The following CACNB2 variants were observed in gnomAD, a reference collection of about 807,000 sequenced individuals.
CACNB2 encodes the protein voltage-dependent L-type calcium channel subunit beta-2.
A neutral mutation model predicts 73.3 loss-of-function variants in CACNB2; 42 were observed. The ratio of observed to expected loss-of-function variants is 0.57; its 90% CI spans 0.45 to 0.74. The LOEUF (loss-of-function observed/expected upper bound fraction) is 0.74, where lower values mean the gene tolerates loss of function less well. Among genes scored for constraint, CACNB2 ranks in the 30% least tolerant of loss-of-function variants. The pLI, the probability that CACNB2 is intolerant of heterozygous loss-of-function variation, is 0.00. For missense variants in CACNB2, 940 were observed against 853.0 expected (o/e 1.10, Z -1.27); for synonymous variants, 348 against 310.3 (o/e 1.12, Z -1.28).
intron 4 of CACNB2, chr10:18,498,731 A>G (rs910465854): frequency 1.5e-4 from 71 of 468,810 alleles, no homozygotes; most frequent in African/African-American, 1.4e-3. Context: ...GGGAACTGCT[A>G]GAGTAGATGA....
intron 2 of CACNB2, among the ~76,000 whole-genome samples, chr10:18,194,807 C>A (rs1183022237): frequency 6.6e-6 from 1 of 152,150 alleles, no homozygotes; most frequent in African/African-American, 2.4e-5. Context: ...AACGAACATT[C>A]CTACAATTAT....
chr10:18,141,393 A>G (rs1374110615), intron 1 of CACNB2, among the ~76,000 whole-genome samples: 2 of 152,204 alleles, frequency 1.3e-5, no homozygotes, highest in Non-Finnish European at 2.9e-5. Flanking sequence ...TGCCCGGACC[A>G]CGCTGCGCAC....
In CACNB2 at chr10:18,373,006, G is replaced by A. The variant is rs1239881435; in HGVS notation, c.214-28918G>A. On this transcript the variant is annotated intron_variant, in intron 2 of 13. Coordinates refer to ENST00000324631, the MANE Select transcript of CACNB2 (RefSeq NM_201596.3). ...TTTTATTTTATTTTTTGTAGGAATG[G>A]AGTCTCACTATGTTGCCCAGGCAGG... Among the ~76,000 whole-genome samples, 3 of 151,942 alleles carry A rather than the reference G, an allele frequency of 2.0e-5. No homozygotes were observed. The East Asian group carries it at 5.8e-4, about 29-fold the overall frequency.
chr10:18,266,428 G>C (rs138759450), intron 2 of CACNB2, among the ~76,000 whole-genome samples: 1 of 152,120 alleles, frequency 6.6e-6, no homozygotes, highest in East Asian at 1.9e-4. Flanking sequence ...TAGTGCTTTT[G>C]GGTATAAAAA....
chr10:18,247,527 C>A (rs1588837008), intron 2 of CACNB2, among the ~76,000 whole-genome samples: 2 of 152,108 alleles, frequency 1.3e-5, no homozygotes, highest in East Asian at 3.9e-4. Context: ...CCAAATATCC[C>A]AAATGATTAT....
rs141915289 is a variant in CACNB2 at position 18,518,317 on chromosome 10, G to T, written c.805-19G>T. ...CTACCTGCCTGTGAAACGTCTAAAA[G>T]CCTCTCCTCTCTCTGCAGACAGAGC... On this transcript the variant is annotated intron_variant, in intron 7 of 13. Transcript: ENST00000324631. 1.3e-6 allele frequency: 2 copies of T among 1,577,598 alleles called. No homozygotes were observed. Among genetic ancestry groups the T allele is most frequent in the Non-Finnish European group, 1.7e-6 (2 of 1,146,856 alleles).
intron 2 of CACNB2, among the ~76,000 whole-genome samples, chr10:18,265,674 C>T (rs2037766345): frequency 6.6e-6 from 1 of 152,198 alleles, no homozygotes. Context: ...TAGTGGGGTT[C>T]TTTTCTTTCT....
At position 18,542,814 on chromosome 10, in the gene CACNB2, T is replaced by G. The variant is rs2054121096; in HGVS notation, c.*3090T>G. 6.6e-6 allele frequency: 1 copy of G among 152,000 alleles called. No homozygotes were observed. Among genetic ancestry groups the G allele is most frequent in the Admixed American group, 6.6e-5 (1 of 15,252 alleles). 9.4% of individuals were successfully genotyped at this position (152,000 alleles called of 1,614,324 possible). On this transcript the variant is annotated 3_prime_UTR_variant, in exon 14 of 14. Transcript: ENST00000324631. ...CTTTTCACACAACAAAGGCTTAACC[T>G]TAACCTACTCAGTTGTAGAGCCATT...
chr10:18,357,696 C>CG (rs1437754782), intron 2 of CACNB2, among the ~76,000 whole-genome samples: 1 of 152,126 alleles, frequency 6.6e-6, no homozygotes, highest in Non-Finnish European at 1.5e-5. Flanking sequence ...TTATATTTTT[C>CG]GCCCACATGA....
chr10:18,284,307 A>G (rs750630822), intron 2 of CACNB2, among the ~76,000 whole-genome samples: 1 of 152,166 alleles, frequency 6.6e-6, no homozygotes, highest in Admixed American at 6.5e-5. Context: ...ACCCACCCCC[A>G]TGATTCAATT....
intron 2 of CACNB2, among the ~76,000 whole-genome samples, chr10:18,368,339 G>A (rs1180235255): frequency 2.6e-5 from 4 of 152,122 alleles, no homozygotes; most frequent in African/African-American, 9.7e-5. Flanking sequence ...AAAAGAGTAG[G>A]ATATGACTCC....
At chr10:18,431,912 G>C (rs575151121) in intron 3 of CACNB2, among the ~76,000 whole-genome samples, 2 of 152,092 alleles carry the variant, frequency 1.3e-5, no homozygotes, top group Non-Finnish European at 2.9e-5. Flanking sequence ...CTGCAGGCGT[G>C]TGCCGCTATA....
intron 2 of CACNB2, among the ~76,000 whole-genome samples, chr10:18,202,789 G>A (rs2131317571): frequency 6.6e-6 from 1 of 152,302 alleles, no homozygotes; most frequent in South Asian, 2.1e-4. Context: ...GTAACGTCAA[G>A]AAATAGCAAG....
intron 2 of CACNB2, among the ~76,000 whole-genome samples, chr10:18,360,624 G>C (rs569097198): frequency 6.6e-6 from 1 of 152,308 alleles, no homozygotes; most frequent in East Asian, 1.9e-4. Context: ...ATTTCACAGA[G>C]AAGAAAACTG....
chr10:18,411,486 C>A (rs1589274120), intron 3 of CACNB2, among the ~76,000 whole-genome samples: 1 of 147,486 alleles, frequency 6.8e-6, no homozygotes. Flanking sequence ...AAGGAAAAGG[C>A]AAAATTTGTG....
intron 5 of CACNB2, among the ~76,000 whole-genome samples, chr10:18,505,430 T>C (rs996591887): frequency 6.6e-6 from 1 of 152,204 alleles, no homozygotes; most frequent in Admixed American, 6.5e-5. Context: ...CTCCTGCTAA[T>C]TGCCTAATAA....
intron 3 of CACNB2, among the ~76,000 whole-genome samples, chr10:18,435,588 T>G (rs1217713667): frequency 6.6e-6 from 1 of 152,052 alleles, no homozygotes; most frequent in East Asian, 1.9e-4. Flanking sequence ...AGCCTCGACC[T>G]CCCAGGCTCA....
intron 9 of CACNB2, among the ~76,000 whole-genome samples, chr10:18,524,500 C>T (rs1327005047): frequency 3.3e-5 from 5 of 150,758 alleles, no homozygotes; most frequent in Non-Finnish European, 5.9e-5. Flanking sequence ...ACTAAAAGTA[C>T]AAAAATTAGC....
chr10:18,388,624 A>G (rs1166746710), intron 2 of CACNB2, among the ~76,000 whole-genome samples: 1 of 152,112 alleles, frequency 6.6e-6, no homozygotes, highest in South Asian at 2.1e-4. Flanking sequence ...GTATATTAAT[A>G]TTTTACTACC....
Sources: allele counts gnomAD v4.1 joint callset (sites outside exome capture counted in the v4.1 genomes callset), GRCh38; gene constraint gnomAD v4.1.1; transcripts MANE v1.5; gene names NCBI Gene and HGNC (gene_info 2026-07-23, HGNC 2026-07-21).